The following SNRNP200 variants were observed in gnomAD, a reference collection of about 807,000 sequenced individuals.
SNRNP200 encodes small nuclear ribonucleoprotein U5 subunit 200, also known as U5 small nuclear ribonucleoprotein 200 kDa helicase.
A neutral mutation model predicts 255.2 loss-of-function variants in SNRNP200; 66 were observed. The ratio of observed to expected loss-of-function variants is 0.26; its 90% CI spans 0.21 to 0.32. The LOEUF (loss-of-function observed/expected upper bound fraction) is 0.32. Among genes scored for constraint, SNRNP200 ranks in the 10% least tolerant of loss-of-function variants. The pLI is 1.00. For missense variants in SNRNP200, 1,585 were observed against 2,749.8 expected (o/e 0.58, Z 9.47); for synonymous variants, 939 against 1,027.8 (o/e 0.91, Z 1.65).
At chr2:96,305,359 T>C (rs963619315) in intron 1 of SNRNP200, 34 bp downstream of exon 1, 25 of 1,613,756 alleles carry the variant, frequency 1.5e-5, no homozygotes, top group Non-Finnish European at 1.9e-5. Flanking sequence ...ATTGGACTCC[T>C]GAGCCTGGAA....
rs1271608590 is a variant in SNRNP200, at chr2:96,281,841, G to C, written c.4997C>G (p.Thr1666Ser). 2.5e-6 allele frequency: 4 copies of C among 1,613,794 alleles called. No individual in the cohort carries two copies. Among genetic ancestry groups the C allele is most frequent in the Non-Finnish European group, 3.4e-6 (4 of 1,179,812 alleles). The change falls in exon 35 of 45, where the codon ACC (threonine) becomes AGC (serine). Residue 1666 changes from threonine (T) to serine (S), a missense_variant. This residue lies in a region of SNRNP200 where 719 missense variants were observed against 1,091.1 expected (regional missense o/e 0.66). Coordinates refer to ENST00000323853, the MANE Select transcript of SNRNP200 (RefSeq NM_014014.5). ...GTGGATCTTGCCATTGTAGTACTGG[G>C]TATCCATGATGATTACCAGGTGGGC... ...VAAHLVIIMD[T>S]QYYNGKIHAY...
intron 3 of SNRNP200, 58 bp from the exon 4 acceptor site, chr2:96,301,774 A>G: frequency 6.3e-7 from 1 of 1,590,764 alleles, no homozygotes; most frequent in Non-Finnish European, 8.6e-7. Flanking sequence ...AACATCTTCA[A>G]CCAGGTGTAT....
rs745836206 is a variant in SNRNP200 at position 96,277,148 on chromosome 2, G to A, written c.6025C>T (p.Arg2009Cys). ...ATATTAGGGTAGCGGTTACAAAAGC[G>A]AGCCACATCTGCAATCTGGCTGTCA... ...LTDSQIADVARFCNRYPNIEL... is the reference protein window; with the variant it reads ...LTDSQIADVACFCNRYPNIEL... The change falls in exon 42 of 45, where the codon CGC becomes TGC. Residue 2009 changes from arginine to cysteine, a missense_variant. Coordinates refer to ENST00000323853, the MANE Select transcript of SNRNP200 (RefSeq NM_014014.5). This position sits in a 1 kb window ranked among gnomAD's most constrained non-coding sequence, Gnocchi z 4.4. 3.6e-5 allele frequency: 58 copies of A among 1,614,162 alleles called. No individual in the cohort carries two copies. Among genetic ancestry groups the A allele is most frequent in the Non-Finnish European group, 4.6e-5 (54 of 1,180,020 alleles).
Position 96,275,731 on chromosome 2 carries a change from G to A in SNRNP200, c.6175-382C>T, listed in dbSNP as rs113657010. The stretch of plus-strand genomic sequence containing the variant: ...ATGAGAAAAAGCTTAGGCTGGGCGC[G>A]GTGGCTCACGCCTGTAATCCCAGCA... On this transcript the variant is annotated intron_variant, in intron 43 of 44. Coordinates refer to ENST00000323853, the MANE Select transcript of SNRNP200 (RefSeq NM_014014.5). 8.5e-3 allele frequency among the ~76,000 whole-genome samples: 1,301 copies of A among 152,296 alleles called. 23 individuals are homozygous for A. Among genetic ancestry groups the A allele is most frequent in the African/African-American group, 0.03 (1,265 of 41,570 alleles).
In SNRNP200 at chr2:96,287,534, C is replaced by T. The variant is rs2063851257; in HGVS notation, c.3389G>A (p.Arg1130His). The part of the protein sequence containing the change: ...KRMWQSMCPL[R>H]QFRKLPEEVV... ...TTCCTCAGGGAGTTTCCGGAACTGG[C>T]GCAGAGGACACATGGACTGCCACCT... The change falls in exon 26 of 45, where the codon CGC becomes CAC. Residue 1130 changes from arginine to histidine, a missense_variant. This residue lies in a region of SNRNP200 where 719 missense variants were observed against 1,091.1 expected (regional missense o/e 0.66). Transcript: ENST00000323853. This position sits in a 1 kb window ranked among gnomAD's most constrained non-coding sequence, Gnocchi z 5.7. The T allele has an allele frequency of 1.2e-6, 2 of 1,614,054 alleles. No homozygotes were observed. The highest frequency in any genetic ancestry group is 1.1e-5 in the South Asian group (1 of 91,080).
Position 96,305,518 on chromosome 2 carries a change from G to C in SNRNP200, c.-81C>G, listed in dbSNP as rs117673613. The C allele has an allele frequency of 3.2e-6, 5 of 1,584,580 alleles. No homozygotes were observed. Among genetic ancestry groups the C allele is most frequent in the Non-Finnish European group, 3.5e-6 (4 of 1,157,412 alleles). ...ACGGCCGCAGATCTCTGCTCCCGCC[G>C]CGCCGGAACGACGCAGGAAAGACGC... On this transcript the variant is annotated 5_prime_UTR_variant, in exon 1 of 45. Transcript: ENST00000323853.
In SNRNP200 at chr2:96,298,428, C is replaced by T. The variant is rs747183842; in HGVS notation, c.983-8G>A. ...GCAAGGTACAGTATAAAACTACCCACAACAAAAGGAACAAAGGAAGTGAGG... is the reference window on the plus strand; with the variant it reads ...GCAAGGTACAGTATAAAACTACCCATAACAAAAGGAACAAAGGAAGTGAGG... On this transcript the variant is annotated splice_polypyrimidine_tract_variant and splice_region_variant and intron_variant, in intron 8 of 44. Coordinates refer to ENST00000323853, the MANE Select transcript of SNRNP200 (RefSeq NM_014014.5). The T allele has an allele frequency of 5.0e-6, 8 of 1,613,984 alleles. No individual in the cohort carries two copies. The highest frequency in any genetic ancestry group is 6.8e-6 in the Non-Finnish European group (8 of 1,179,998).
chr2:96,300,324 G>A (rs978767694), intron 5 of SNRNP200, among the ~76,000 whole-genome samples: 1 of 152,142 alleles, frequency 6.6e-6, no homozygotes, highest in African/African-American at 2.4e-5. Context: ...CAATCTTTTA[G>A]TCAGATACAG....
At position 96,286,432 on chromosome 2, in the gene SNRNP200, C is replaced by T. The variant is rs367670344; in HGVS notation, c.3882G>A (p.Lys1294=). ...CCAAAAGTTCGGTTGGAGGGGGGTA[C>T]TTCTCCGGCAAGATCAGGTGCCGGA... The part of the protein sequence containing the change: ...VSFRHLILPE[K]YPPPTELLDL... Residue 1294 remains lysine, a synonymous_variant, in exon 29 of 45, where the codon AAG becomes AAA. Transcript: ENST00000323853. The surrounding 1 kb of genome is among the most constrained non-coding windows in gnomAD (Gnocchi z 4.8). 6.2e-6 allele frequency: 10 copies of T among 1,614,070 alleles called. No homozygotes were observed. Among genetic ancestry groups the T allele is most frequent in the Non-Finnish European group, 8.5e-6 (10 of 1,180,042 alleles).
chr2:96,276,734 C>T (rs1439218200), intron 43 of SNRNP200, 170 bp downstream of exon 43: 1 of 784,358 alleles, frequency 1.3e-6, no homozygotes, highest in Non-Finnish European at 2.3e-6. Flanking sequence ...ACTGTTTAAG[C>T]AGAAACAAAC....
Position 96,298,960 on chromosome 2 carries a change from G to A in SNRNP200, c.737C>T (p.Ala246Val), listed in dbSNP as rs762289712. ...CTTGGAACTCATCAGTTCACCTGAG[G>A]CTACGAGCTATAAAAGTAACCAGGC... ...VRCTLSANLV[A>V]SGELMSSKKK... is the part of the protein sequence containing the mutation. The change falls in exon 7 of 45, where the codon GCC becomes GTC. Residue 246 changes from alanine (A) to valine (V), a missense_variant. By Grantham distance (64) the Ala-to-Val change is moderately conservative. Around this residue, in one of 9 missense-constraint regions of SNRNP200, gnomAD observed 383 missense variants for 645.3 expected, o/e 0.59. Coordinates refer to ENST00000323853, the MANE Select transcript of SNRNP200 (RefSeq NM_014014.5). 2.4e-5 allele frequency: 38 copies of A among 1,614,060 alleles called. No individual in the cohort carries two copies. The highest frequency in any genetic ancestry group is 3.1e-5 in the Non-Finnish European group (37 of 1,180,032).
In SNRNP200 at chr2:96,287,164, C is replaced by T; in HGVS notation, c.3485-4G>A. On this transcript the variant is annotated splice_polypyrimidine_tract_variant and splice_region_variant and intron_variant, in intron 26 of 44. Transcript: ENST00000323853. This position sits in a 1 kb window ranked among gnomAD's most constrained non-coding sequence, Gnocchi z 5.7. ...TTTGGCATGCGGATAAGCTCCCCTA[C>T]AAGGAAATGAGAGTACTGAGGCTGC... The T allele has an allele frequency of 1.2e-6, 2 of 1,614,208 alleles. No individual in the cohort carries two copies. The highest frequency in any genetic ancestry group is 1.1e-5 in the South Asian group (1 of 91,092).
chr2:96,279,658 T>A, intron 35 of SNRNP200, 99 bp from the exon 36 acceptor site: 1 of 738,910 alleles, frequency 1.4e-6, no homozygotes, highest in South Asian at 1.5e-5. Flanking sequence ...AAAATGTTAA[T>A]ACGGGGAGAC....
chr2:96,285,405 G>C (rs2063838386), intron 29 of SNRNP200, 65 bp from the exon 30 acceptor site: 8 of 1,553,128 alleles, frequency 5.2e-6, no homozygotes, highest in Non-Finnish European at 7.1e-6. Flanking sequence ...CTGGGACATG[G>C]ATCAATTGTC....
chr2:96,282,063 T>C (rs889083120), intron 34 of SNRNP200, 141 bp from the exon 35 acceptor site: 15 of 672,746 alleles, frequency 2.2e-5, no homozygotes, highest in Non-Finnish European at 3.8e-5. Flanking sequence ...AGGTCTAACA[T>C]GAATGAGAGC....
At chr2:96,293,260 A>G (rs944618185) in intron 15 of SNRNP200, 56 bp downstream of exon 15, 4 of 1,590,172 alleles carry the variant, frequency 2.5e-6, no homozygotes, top group Admixed American at 3.3e-5. Flanking sequence ...CTTGGAAAAG[A>G]GGAAAGAGAG....
chr2:96,283,755 C>A lies in SNRNP200; in HGVS notation c.4585-42G>T, dbSNP rs1336747586. On this transcript the variant is annotated intron_variant, in intron 32 of 44. Coordinates refer to ENST00000323853, the MANE Select transcript of SNRNP200 (RefSeq NM_014014.5). This position sits in a 1 kb window ranked among gnomAD's most constrained non-coding sequence, Gnocchi z 4.7. Reference sequence around the variant, plus strand: ...AGAAAAGACACCAAGGTTATCAGACCTGGGTCACTCAGGATCTATGTGACA... The same window carrying A: ...AGAAAAGACACCAAGGTTATCAGACATGGGTCACTCAGGATCTATGTGACA... 1 of 1,614,056 alleles carries A rather than the reference C, an allele frequency of 6.2e-7. No individual in the cohort carries two copies. Among genetic ancestry groups the A allele is most frequent in the Non-Finnish European group, 8.5e-7 (1 of 1,180,018 alleles).
Position 96,291,650 on chromosome 2 carries a change from AAAC to A in SNRNP200, c.2310+98_2310+100del. 2.1e-6 allele frequency: 3 copies of A among 1,424,360 alleles called. No homozygotes were observed. Among genetic ancestry groups the A allele is most frequent in the Non-Finnish European group, 3.0e-6 (3 of 1,011,536 alleles). 88.2% of individuals were successfully genotyped at this position (1,424,360 alleles called of 1,614,324 possible). On this transcript the variant is annotated intron_variant, in intron 17 of 44. Transcript: ENST00000323853. This position sits in a 1 kb window ranked among gnomAD's most constrained non-coding sequence, Gnocchi z 4.2. ...CAGACAATCAACCTTAACCCATGGG[AAAC>A]AACAATACCACAGTACAGTCCTAGA...
Position 96,289,382 on chromosome 2 carries a change from GGA to G in SNRNP200, c.2941-5_2941-4del, listed in dbSNP as rs764015288. ...GCTATACGGCCCAGTTCTGTCACCT[GGA>G]GAGAAGGTAGACTCAATCCAGTGCT... On this transcript the variant is annotated splice_polypyrimidine_tract_variant and splice_region_variant and intron_variant, in intron 21 of 44. Transcript: ENST00000323853. 7.4e-6 allele frequency: 12 copies of G among 1,613,782 alleles called. 1 individual carries two copies. The South Asian group carries it at 1.3e-4, about 18-fold the overall frequency.
Sources: allele counts gnomAD v4.1 joint callset (sites outside exome capture counted in the v4.1 genomes callset), GRCh38; gene constraint gnomAD v4.1.1; regional missense constraint gnomAD v4.1.1; non-coding constraint Gnocchi (gnomAD v3.1); transcripts MANE v1.5; gene names NCBI Gene and HGNC (gene_info 2026-07-23, HGNC 2026-07-21).